SORCS3: variants seen among roughly 807,000 people sequenced by gnomAD.
The protein encoded by SORCS3 is VPS10 domain-containing receptor SorCS3.
SORCS3 carries 57 observed loss-of-function variants against 146.3 expected under a neutral mutation model. That is an observed-to-expected ratio of 0.39 (90% CI 0.31 to 0.49). The LOEUF is 0.49. Ranked by LOEUF, SORCS3 falls within the 20% of genes least tolerant of loss-of-function variation. The pLI, the probability that SORCS3 is intolerant of heterozygous loss-of-function variation, is 0.92. For synonymous variants in SORCS3, 653 were observed against 618.5 expected (o/e 1.06, Z -0.83); for missense variants, 1,341 against 1,575.5 (o/e 0.85, Z 2.52).
At chr10:104,864,078 T>A (rs899077400) in intron 2 of SORCS3, among the ~76,000 whole-genome samples, 3 of 152,182 alleles carry the variant, frequency 2.0e-5, no homozygotes, top group East Asian at 1.9e-4. Flanking sequence ...GGGTATTTTT[T>A]AATATTATCC....
chr10:104,758,702 T>C (rs1161649686), intron 1 of SORCS3, among the ~76,000 whole-genome samples: 2 of 152,150 alleles, frequency 1.3e-5, no homozygotes, highest in Admixed American at 6.6e-5. Flanking sequence ...GTGATCTAGC[T>C]GGTACTTTGG....
intron 20 of SORCS3, among the ~76,000 whole-genome samples, chr10:105,235,861 A>G (rs1226881831): frequency 1.3e-5 from 2 of 152,136 alleles, no homozygotes; most frequent in Non-Finnish European, 2.9e-5. Context: ...AGTGGAAATA[A>G]TAATGCCTAT....
intron 20 of SORCS3, among the ~76,000 whole-genome samples, chr10:105,228,141 A>G (rs185753231): frequency 6.6e-6 from 1 of 151,746 alleles, no homozygotes; most frequent in Admixed American, 6.6e-5. Flanking sequence ...TCATTTCATT[A>G]ATTAATTTCT....
chr10:104,843,726 T>C (rs745538147), intron 2 of SORCS3, among the ~76,000 whole-genome samples: 19 of 152,212 alleles, frequency 1.2e-4, no homozygotes, highest in Non-Finnish European at 2.8e-4. Flanking sequence ...CCTCCTCACG[T>C]ACATATGCAC....
chr10:105,212,034 G>A (rs2056637273), intron 17 of SORCS3, among the ~76,000 whole-genome samples: 1 of 152,192 alleles, frequency 6.6e-6, no homozygotes, highest in South Asian at 2.1e-4. Context: ...CTGGATGCCA[G>A]TCTTAACTCT....
chr10:105,037,218 C>T (rs1332078775), intron 4 of SORCS3, among the ~76,000 whole-genome samples: 1 of 152,098 alleles, frequency 6.6e-6, no homozygotes, highest in African/African-American at 2.4e-5. Context: ...AAAAATCTGG[C>T]CTCACAACTA....
At chr10:104,814,164 G>A (rs767832622) in intron 1 of SORCS3, among the ~76,000 whole-genome samples, 2 of 152,102 alleles carry the variant, frequency 1.3e-5, no homozygotes, top group Non-Finnish European at 2.9e-5. Context: ...AAGACACAAG[G>A]GGGGAGTTAA....
chr10:104,979,333 C>T (rs1359608158), intron 4 of SORCS3, among the ~76,000 whole-genome samples: 2 of 152,154 alleles, frequency 1.3e-5, no homozygotes, highest in Non-Finnish European at 2.9e-5. Flanking sequence ...ATGATTTCCT[C>T]TTTGTATTTC....
At chr10:105,010,130 G>A (rs2055125174) in intron 4 of SORCS3, among the ~76,000 whole-genome samples, 1 of 152,164 alleles carries the variant, frequency 6.6e-6, no homozygotes, top group African/African-American at 2.4e-5. Context: ...TCTTTCCCAT[G>A]CACCTTGACT....
At chr10:104,885,752 G>A (rs919446674) in intron 2 of SORCS3, among the ~76,000 whole-genome samples, 2 of 152,140 alleles carry the variant, frequency 1.3e-5, no homozygotes, top group Admixed American at 6.6e-5. Context: ...ATTATTCTTG[G>A]AAAGGTCTGA....
At chr10:104,878,947 C>G (rs1447318756) in intron 2 of SORCS3, among the ~76,000 whole-genome samples, 1 of 152,112 alleles carries the variant, frequency 6.6e-6, no homozygotes, top group Admixed American at 6.5e-5. Context: ...CTCCAGGAAC[C>G]TCTGGTAAGC....
intron 4 of SORCS3, among the ~76,000 whole-genome samples, chr10:104,985,043 CAG>C (rs1434161679): frequency 6.6e-6 from 1 of 152,050 alleles, no homozygotes; most frequent in Non-Finnish European, 1.5e-5. Flanking sequence ...AATGAGGTAA[CAG>C]TGAAGTTTGC....
intron 3 of SORCS3, among the ~76,000 whole-genome samples, chr10:104,930,586 G>C (rs548196806): frequency 8.5e-5 from 13 of 152,202 alleles, no homozygotes; most frequent in Non-Finnish European, 1.9e-4. Context: ...ATACACCGGG[G>C]TTGATGGGGG....
chr10:104,963,025 A>G (rs2054805170), intron 3 of SORCS3, among the ~76,000 whole-genome samples: 1 of 152,230 alleles, frequency 6.6e-6, no homozygotes, highest in African/African-American at 2.4e-5. Context: ...TAATGGCTGC[A>G]TAATATTCCA....
intron 1 of SORCS3, among the ~76,000 whole-genome samples, chr10:104,712,025 T>C (rs754733650): frequency 2.0e-5 from 3 of 152,220 alleles, no homozygotes; most frequent in Non-Finnish European, 2.9e-5. Flanking sequence ...TTGTTCTTAT[T>C]GTACTGGATC....
At chr10:104,702,316 CTT>C (rs1589464247) in intron 1 of SORCS3, among the ~76,000 whole-genome samples, 1 of 152,284 alleles carries the variant, frequency 6.6e-6, no homozygotes, top group Non-Finnish European at 1.5e-5. Context: ...CCTAGTCTCT[CTT>C]TGTCGCCCAG....
At chr10:104,738,664 G>A (rs1014702649) in intron 1 of SORCS3, among the ~76,000 whole-genome samples, 6 of 152,136 alleles carry the variant, frequency 3.9e-5, no homozygotes, top group East Asian at 1.9e-4. Flanking sequence ...AGGCAGACAC[G>A]TGTGACTGTA....
chr10:104,829,736 A>T (rs1475940801), intron 1 of SORCS3, among the ~76,000 whole-genome samples: 1 of 152,094 alleles, frequency 6.6e-6, no homozygotes, highest in Non-Finnish European at 1.5e-5. Flanking sequence ...CTTGTAAATA[A>T]ACTGTCAGCA....
At chr10:104,976,706 T>G (rs143074511) in intron 3 of SORCS3, among the ~76,000 whole-genome samples, 6,793 of 152,276 alleles carry the variant, frequency 0.045, 443 homozygotes, top group African/African-American at 0.15. Flanking sequence ...GTGGCACATA[T>G]ACACCATGGA....
Sources: gnomAD v4.1 joint callset for allele counts (sites outside exome capture counted in the v4.1 genomes callset) on GRCh38, gnomAD v4.1.1 for gene constraint, MANE v1.5 for transcripts, NCBI Gene and HGNC (gene_info 2026-07-23, HGNC 2026-07-21) for gene names.